Variants in ITGA9 observed in about 807,000 individuals in gnomAD.
ITGA9 encodes the protein integrin subunit alpha 9, also known as integrin alpha-9.
In ITGA9, 56 loss-of-function variants were observed where a neutral mutation model predicts 127.8. That is an observed-to-expected ratio of 0.44 (90% confidence interval 0.35 to 0.55). The LOEUF is 0.55. Among genes scored for constraint, ITGA9 ranks in the 20% least tolerant of loss-of-function variants. The probability of loss-of-function intolerance (pLI) is 0.00; values close to 1 mark genes in which losing one functional copy is unlikely to be tolerated. For missense variants in ITGA9, 1,196 were observed against 1,347.1 expected, an observed-to-expected ratio of 0.89 and a Z score of 1.76; for synonymous variants, 508 against 514.5, an observed-to-expected ratio of 0.99 and a Z score of 0.17.
intron 1 of ITGA9, among the ~76,000 whole-genome samples, chr3:37,455,734 ACTAC>A (rs1205131073): frequency 1.3e-5 from 2 of 152,368 alleles, no homozygotes; most frequent in Admixed American, 1.3e-4. Flanking sequence ...ATGCTAATTA[ACTAC>A]CTGTTTTACA....
chr3:37,569,229 C>T (rs1219486128), intron 15 of ITGA9, among the ~76,000 whole-genome samples: 2 of 152,176 alleles, frequency 1.3e-5, no homozygotes, highest in Non-Finnish European at 2.9e-5. Context: ...GGGAACTCCT[C>T]ATTATAAAAC....
intron 15 of ITGA9, among the ~76,000 whole-genome samples, chr3:37,596,295 C>G (rs1176302530): frequency 1.3e-5 from 2 of 152,122 alleles, no homozygotes; most frequent in African/African-American, 4.8e-5. Context: ...AGTTTTGGAC[C>G]CTTAGTCCCT....
intron 1 of ITGA9, among the ~76,000 whole-genome samples, chr3:37,460,895 C>T (rs970689777): frequency 6.6e-6 from 1 of 152,064 alleles, no homozygotes; most frequent in African/African-American, 2.4e-5. Context: ...GGACTATGTG[C>T]CCAAATTTTT....
chr3:37,780,050 T>C, intron 25 of ITGA9, 29 bp downstream of exon 25: 1 of 1,612,938 alleles, frequency 6.2e-7, no homozygotes. Flanking sequence ...CACTTGTGGA[T>C]GCATTTAGAA....
chr3:37,822,624 T>G lies in ITGA9; in HGVS notation c.*3635T>G, dbSNP rs1697527674. On this transcript the variant is annotated 3_prime_UTR_variant, in exon 28 of 28. Transcript: ENST00000264741. ...CTCCTTCACCAAATCATGTAGCTAC[T>G]GCCCTTGAGCCAAAGGCAATGAGGT... The G allele has an allele frequency of 6.6e-6, 1 of 152,008 alleles. No individual in the cohort carries two copies. Among genetic ancestry groups the G allele is most frequent in the Non-Finnish European group, 1.5e-5 (1 of 67,974 alleles). The allele number at this position is 152,008 out of a possible 1,614,324, so 9.4% of individuals were successfully genotyped here. A position where few individuals can be genotyped will look rare whatever the true frequency, so the allele number is the denominator to read the frequency against.
At chr3:37,539,717 T>C (rs1420099478) in intron 14 of ITGA9, among the ~76,000 whole-genome samples, 3 of 152,220 alleles carry the variant, frequency 2.0e-5, no homozygotes, top group African/African-American at 7.2e-5. Context: ...TTGACCAGAT[T>C]CTGGGTACTG....
chr3:37,523,250 A>T (rs1699061571), intron 11 of ITGA9, among the ~76,000 whole-genome samples: 1 of 152,252 alleles, frequency 6.6e-6, no homozygotes, highest in South Asian at 2.1e-4. Context: ...TCAAAACATT[A>T]TCATGGTAGT....
At chr3:37,724,876 G>T (rs1343815729) in intron 18 of ITGA9, among the ~76,000 whole-genome samples, 1 of 152,128 alleles carries the variant, frequency 6.6e-6, no homozygotes, top group East Asian at 1.9e-4. Context: ...GATGATTGGT[G>T]AGTGAATTAA....
intron 18 of ITGA9, among the ~76,000 whole-genome samples, chr3:37,703,337 A>G (rs182565696): frequency 4.7e-4 from 72 of 152,328 alleles, no homozygotes; most frequent in East Asian, 3.9e-4. Context: ...AGGAGGCCCA[A>G]TCCAGTTCAG....
chr3:37,775,244 C>T (rs1356886924), intron 23 of ITGA9, among the ~76,000 whole-genome samples: 2 of 152,166 alleles, frequency 1.3e-5, no homozygotes, highest in African/African-American at 4.8e-5. Context: ...GACATACCTG[C>T]AGACAACAAG....
At chr3:37,675,813 G>A (rs1021380315) in intron 17 of ITGA9, among the ~76,000 whole-genome samples, 24 of 139,980 alleles carry the variant, frequency 1.7e-4, no homozygotes, top group Admixed American at 2.3e-4. Context: ...GTGTGATCTC[G>A]GCTCACTGCA....
chr3:37,713,482 C>T (rs1450497104), intron 18 of ITGA9, among the ~76,000 whole-genome samples: 4 of 152,094 alleles, frequency 2.6e-5, no homozygotes, highest in Admixed American at 2.6e-4. Context: ...TGGATTGAGC[C>T]ACAGAGGGAG....
chr3:37,701,193 C>G (rs1700942006), intron 18 of ITGA9, among the ~76,000 whole-genome samples: 1 of 152,184 alleles, frequency 6.6e-6, no homozygotes, highest in Non-Finnish European at 1.5e-5. Flanking sequence ...AGTTTGCAGG[C>G]CCTTGATAGG....
rs146773777 is a variant in ITGA9 at position 37,775,952 on chromosome 3, T to C, written c.2542-1440T>C. On this transcript the variant is annotated intron_variant, in intron 23 of 27. Transcript: ENST00000264741. Reference sequence around the variant, plus strand: ...AACCTAAATACCCATCAAAGACAGATTGGATAAAGAAAATGTTGTACAGAT... The same window carrying C: ...AACCTAAATACCCATCAAAGACAGACTGGATAAAGAAAATGTTGTACAGAT... Among the ~76,000 whole-genome samples the C allele has an allele frequency of 7.8e-3, 1,182 of 152,090 alleles. 5 individuals are homozygous for C. The highest frequency in any genetic ancestry group is 0.011 in the Non-Finnish European group (777 of 67,986).
At position 37,623,660 on chromosome 3, in the gene ITGA9, G is replaced by GGTGT. The variant is rs1164977754; in HGVS notation, c.1690-5518_1690-5515dup. On this transcript the variant is annotated intron_variant, in intron 15 of 27. Transcript: ENST00000264741. ...AAGTTCCATGATAATTTTAAACAGG[G>GGTGT]GTGTGTGTGTGTATGTGTGTGTGTG... Among the ~76,000 whole-genome samples the GGTGT allele has an allele frequency of 7.9e-5, 11 of 138,674 alleles. No individual in the cohort carries two copies. In the East Asian group the frequency reaches 1.8e-3, roughly 22 times the overall value. The allele number at this position is 138,674 out of a possible 152,430, so 91.0% of individuals were successfully genotyped here.
intron 2 of ITGA9, 147 bp downstream of exon 2, chr3:37,471,281 T>A: frequency 1.1e-6 from 1 of 925,224 alleles, no homozygotes. Context: ...ATGTATTGAG[T>A]ACGTAATAGT....
chr3:37,454,377 A>G (rs1698234795), intron 1 of ITGA9, among the ~76,000 whole-genome samples: 1 of 152,236 alleles, frequency 6.6e-6, no homozygotes, highest in Non-Finnish European at 1.5e-5. Flanking sequence ...GGGATGAAGA[A>G]AAGCTGTGTG....
At chr3:37,658,128 A>G (rs1196522834) in intron 17 of ITGA9, among the ~76,000 whole-genome samples, 1 of 152,186 alleles carries the variant, frequency 6.6e-6, no homozygotes, top group Non-Finnish European at 1.5e-5. Context: ...CAATTTTAGA[A>G]TAAGTGTGAT....
chr3:37,528,078 C>T (rs1699112568), intron 13 of ITGA9, among the ~76,000 whole-genome samples: 1 of 152,220 alleles, frequency 6.6e-6, no homozygotes, highest in Admixed American at 6.5e-5. Context: ...AGCCATTGCG[C>T]CTGACCCAAC....
Sources: gnomAD v4.1 joint callset for allele counts (sites outside exome capture counted in the v4.1 genomes callset) on GRCh38, gnomAD v4.1.1 for gene constraint, MANE v1.5 for transcripts, NCBI Gene and HGNC (gene_info 2026-07-23, HGNC 2026-07-21) for gene names.